The following ERN1 variants were observed in gnomAD, a reference collection of about 807,000 sequenced individuals.
The protein encoded by ERN1 is endoplasmic reticulum to nucleus signaling 1, also known as serine/threonine-protein kinase/endoribonuclease IRE1.
Under a neutral mutation model 113.1 loss-of-function variants are expected in ERN1, and 39 were observed. The ratio of observed to expected loss-of-function variants is 0.34; its 90% CI spans 0.27 to 0.45. ERN1 has a LOEUF of 0.45. ERN1 is among the 20% of genes least tolerant of loss of function. The probability of loss-of-function intolerance (pLI) is 1.00; values close to 1 mark genes in which losing one functional copy is unlikely to be tolerated. For missense variants in ERN1, 976 were observed against 1,274.8 expected (o/e 0.77, Z 3.57); for synonymous variants, 507 against 515.9 (o/e 0.98, Z 0.23).
At chr17:64,056,083 G>A in intron 12 of ERN1, 135 bp from the exon 13 acceptor site, 1 of 1,369,940 alleles carries the variant, frequency 7.3e-7, no homozygotes, top group African/African-American at 1.5e-5. Flanking sequence ...AGAGACCAGT[G>A]AGAAGGCACC....
Position 64,067,932 on chromosome 17 carries a change from A to G in ERN1, c.580+258T>C, listed in dbSNP as rs145544799. 3.3e-4 allele frequency: 135 copies of G among 404,134 alleles called. 1 individual carries two copies. Among genetic ancestry groups the G allele is most frequent in the African/African-American group, 2.1e-3 (104 of 50,300 alleles). 25.0% of individuals were successfully genotyped at this position (404,134 alleles called of 1,614,324 possible). On this transcript the variant is annotated intron_variant, in intron 7 of 21. Transcript: ENST00000433197. ...AGTAAATTCCTTCTGTGACATAGAA[A>G]GACTCAACGAGGGATGTCCTCCTTC... is the stretch of plus-strand genomic sequence containing the variant.
chr17:64,088,780 C>G (rs974046104), intron 2 of ERN1, among the ~76,000 whole-genome samples: 5 of 152,086 alleles, frequency 3.3e-5, no homozygotes, highest in Non-Finnish European at 5.9e-5. Flanking sequence ...CCGGAATACT[C>G]GGAGCAGAAA....
At chr17:64,121,708 T>G (rs921185438) in intron 1 of ERN1, among the ~76,000 whole-genome samples, 2 of 152,172 alleles carry the variant, frequency 1.3e-5, no homozygotes, top group African/African-American at 4.8e-5. Flanking sequence ...AGGCTGGTCT[T>G]GAACTCCTGA....
intron 1 of ERN1, among the ~76,000 whole-genome samples, chr17:64,125,537 G>T (rs1416845992): frequency 6.6e-6 from 1 of 152,160 alleles, no homozygotes; most frequent in South Asian, 2.1e-4. Context: ...TGCCAAGGCT[G>T]CAGTGCAGTG....
intron 6 of ERN1, among the ~76,000 whole-genome samples, chr17:64,070,440 C>G (rs1020628202): frequency 6.6e-6 from 1 of 152,194 alleles, no homozygotes; most frequent in African/African-American, 2.4e-5. Context: ...GAGAATGACG[C>G]AATTTTTATA....
chr17:64,082,568 C>G (rs1913799595), intron 2 of ERN1, among the ~76,000 whole-genome samples: 1 of 152,198 alleles, frequency 6.6e-6, no homozygotes, highest in Non-Finnish European at 1.5e-5. Context: ...AGGACATGGC[C>G]AAATTCCAGG....
In ERN1 at chr17:64,044,670, C is replaced by T. The variant is rs544500786; in HGVS notation, c.2721+190G>A. 8.2e-4 allele frequency among the ~76,000 whole-genome samples: 125 copies of T among 152,366 alleles called. 2 individuals are homozygous for T. The highest frequency in any genetic ancestry group is 6.8e-3 in the Middle Eastern group (2 of 294). ...CTTCCCGGAGCTTCACCTGCACCTA[C>T]GTCCCTGAAGGGAAAATCAGCGTAA... On this transcript the variant is annotated intron_variant, in intron 21 of 21. Transcript: ENST00000433197. The surrounding 1 kb of genome is among the most constrained non-coding windows in gnomAD (Gnocchi z 4.1).
chr17:64,125,244 C>G (rs1417818395), intron 1 of ERN1, among the ~76,000 whole-genome samples: 1 of 152,004 alleles, frequency 6.6e-6, no homozygotes, highest in Admixed American at 6.6e-5. Context: ...TCCTTTCTAA[C>G]TTTTCTACAA....
At chr17:64,103,281 G>A (rs1297893253) in intron 1 of ERN1, among the ~76,000 whole-genome samples, 1 of 152,076 alleles carries the variant, frequency 6.6e-6, no homozygotes, top group Non-Finnish European at 1.5e-5. Flanking sequence ...CGGATCACTT[G>A]AGGTCAGGAA....
At position 64,094,818 on chromosome 17, in the gene ERN1, C is replaced by T. The variant is rs114348791; in HGVS notation, c.175+3303G>A. On this transcript the variant is annotated intron_variant, in intron 2 of 21. Coordinates refer to ENST00000433197, the MANE Select transcript of ERN1 (RefSeq NM_001433.5). ...TCCCCACTTCATTTTTTCTTCAAAC[C>T]TCTCGTCACTACTAAGTAACTGATT... 6.3e-3 allele frequency among the ~76,000 whole-genome samples: 964 copies of T among 152,166 alleles called. 8 individuals carry two copies. Among genetic ancestry groups the T allele is most frequent in the African/African-American group, 0.022 (925 of 41,492 alleles).
At chr17:64,067,606 C>CAAA (rs5821419) in intron 7 of ERN1, among the ~76,000 whole-genome samples, 1 of 144,176 alleles carries the variant, frequency 6.9e-6, no homozygotes. Flanking sequence ...GAACTTGCCT[C>CAAA]AAAAAAAAAA....
At chr17:64,100,301 G>GTTA (rs1388907952) in intron 1 of ERN1, among the ~76,000 whole-genome samples, 1 of 152,100 alleles carries the variant, frequency 6.6e-6, no homozygotes, top group Non-Finnish European at 1.5e-5. Flanking sequence ...ATTATGTTAG[G>GTTA]TGTGACAGTT....
In ERN1 at chr17:64,054,346, C is replaced by T. The variant is rs200204147; in HGVS notation, c.1857G>A (p.Ser619=). 7.7e-5 allele frequency: 124 copies of T among 1,612,646 alleles called. 2 individuals are homozygous for T. Among genetic ancestry groups the T allele is most frequent in the Admixed American group, 5.2e-4 (31 of 59,878 alleles). The part of the protein sequence containing the change: ...ADREVQLLRE[S]DEHPNVIRYF... ...AGCGGATCACGTTCGGGTGCTCATC[C>T]GATTCTCGCAACAGCTGGACCTCAC... The change falls in exon 15 of 22, where the codon TCG becomes TCA. Residue 619 remains serine (S), a synonymous_variant. Transcript: ENST00000433197. This position sits in a 1 kb window ranked among gnomAD's most constrained non-coding sequence, Gnocchi z 4.9.
intron 9 of ERN1, 46 bp from the exon 10 acceptor site, chr17:64,064,197 G>A (rs374227791): frequency 7.0e-5 from 107 of 1,532,186 alleles, no homozygotes; most frequent in South Asian, 1.1e-4. Context: ...GAGGGAGAGC[G>A]GGTCCCACGG....
At chr17:64,112,395 G>A (rs2143484999) in intron 1 of ERN1, among the ~76,000 whole-genome samples, 1 of 151,496 alleles carries the variant, frequency 6.6e-6, no homozygotes, top group East Asian at 1.9e-4. Flanking sequence ...AGAAGAAGAA[G>A]GAAGCAGAGT....
chr17:64,070,252 A>G (rs368900569), intron 6 of ERN1, among the ~76,000 whole-genome samples: 1 of 152,216 alleles, frequency 6.6e-6, no homozygotes. Context: ...TGGAATAAAG[A>G]TGATGGGTTC....
Position 64,049,157 on chromosome 17 carries a change from C to T in ERN1, c.2299G>A (p.Val767Ile), listed in dbSNP as rs1260343265. ...IFSAGCVFYY[V>I]ISEGSHPFGK... ...AAAGGGTGGCTGCCCTCAGAGATTA[C>T]GTAGTAAAAGACGCAGCCTGCAGAA... Residue 767 changes from valine (V) to isoleucine (I), a missense_variant, in exon 18 of 22, where the codon GTA becomes ATA. Physicochemically the swap from Val to Ile is conservative, Grantham distance 29. Around this residue, in one of 5 missense-constraint regions of ERN1, gnomAD observed 297 missense variants for 457.8 expected, o/e 0.65. Transcript: ENST00000433197. This position sits in a 1 kb window ranked among gnomAD's most constrained non-coding sequence, Gnocchi z 4.7. 5.6e-6 allele frequency: 9 copies of T among 1,607,714 alleles called. No individual in the cohort carries two copies. Among genetic ancestry groups the T allele is most frequent in the East Asian group, 2.2e-5 (1 of 44,658 alleles).
chr17:64,093,714 T>C (rs1006225793), intron 2 of ERN1, among the ~76,000 whole-genome samples: 7 of 152,168 alleles, frequency 4.6e-5, no homozygotes, highest in African/African-American at 1.7e-4. Context: ...CATCTCAAAG[T>C]ACCATCACAC....
At chr17:64,099,105 T>C (rs1186346238) in intron 1 of ERN1, among the ~76,000 whole-genome samples, 10 of 152,094 alleles carry the variant, frequency 6.6e-5, no homozygotes, top group Non-Finnish European at 1.3e-4. Context: ...GAACCAAACT[T>C]CCAATAATAT....
Sources: gnomAD v4.1 joint callset for allele counts (sites outside exome capture counted in the v4.1 genomes callset) on GRCh38, gnomAD v4.1.1 for gene constraint, gnomAD v4.1.1 regional missense constraint, Gnocchi (gnomAD v3.1) non-coding constraint, MANE v1.5 for transcripts, NCBI Gene and HGNC (gene_info 2026-07-23, HGNC 2026-07-21) for gene names.